MACROD2: variants seen among roughly 807,000 people sequenced by gnomAD.
MACROD2 encodes ADP-ribose glycohydrolase MACROD2.
A neutral mutation model predicts 70.4 loss-of-function variants in MACROD2; 36 were observed. The ratio of observed to expected loss-of-function variants is 0.51; its 90% CI spans 0.39 to 0.68. The LOEUF (loss-of-function observed/expected upper bound fraction) is 0.68, where lower values mean the gene tolerates loss of function less well. MACROD2 is among the 30% of genes least tolerant of loss of function. MACROD2 has a pLI of 0.00. For missense variants in MACROD2, 496 were observed against 538.4 expected, an observed-to-expected ratio of 0.92 and a Z score of 0.78; for synonymous variants, 172 against 178.8, an observed-to-expected ratio of 0.96 and a Z score of 0.30.
intron 3 of MACROD2, among the ~76,000 whole-genome samples, chr20:14,118,185 T>G (rs1410890547): frequency 6.6e-6 from 1 of 152,214 alleles, no homozygotes; most frequent in African/African-American, 2.4e-5. Flanking sequence ...ATATATTTTT[T>G]AGTTTATCTT....
intron 5 of MACROD2, among the ~76,000 whole-genome samples, chr20:15,136,596 A>T (rs1444012008): frequency 6.6e-6 from 1 of 152,124 alleles, no homozygotes; most frequent in Admixed American, 6.6e-5. Context: ...TTAGACCTAA[A>T]ACCATAAAAA....
intron 5 of MACROD2, among the ~76,000 whole-genome samples, chr20:14,781,403 C>T (rs545485001): frequency 6.6e-6 from 1 of 150,782 alleles, no homozygotes; most frequent in East Asian, 1.9e-4. Context: ...TTTCATTTGT[C>T]TTGAGCTCTG....
At chr20:15,483,023 C>G (rs1239640952) in intron 7 of MACROD2, among the ~76,000 whole-genome samples, 3 of 151,924 alleles carry the variant, frequency 2.0e-5, no homozygotes, top group Non-Finnish European at 4.4e-5. Flanking sequence ...GGCTTGCCTT[C>G]TCATTCTATT....
intron 5 of MACROD2, among the ~76,000 whole-genome samples, chr20:14,880,460 G>A (rs539241022): frequency 6.6e-6 from 1 of 152,262 alleles, no homozygotes; most frequent in Admixed American, 6.5e-5. Flanking sequence ...CCATTTGAAA[G>A]GGAAACCTTC....
At chr20:15,882,919 G>C (rs1015657897) in intron 9 of MACROD2, among the ~76,000 whole-genome samples, 6 of 151,898 alleles carry the variant, frequency 4.0e-5, no homozygotes, top group African/African-American at 1.4e-4. Flanking sequence ...AGACTTCCAA[G>C]TAGCTTAACT....
At chr20:14,802,650 G>T (rs2072591226) in intron 5 of MACROD2, among the ~76,000 whole-genome samples, 1 of 151,758 alleles carries the variant, frequency 6.6e-6, no homozygotes, top group Non-Finnish European at 1.5e-5. Flanking sequence ...ATAATGATGA[G>T]GCAAAATAAT....
At chr20:15,798,151 G>T (rs2063691874) in intron 8 of MACROD2, among the ~76,000 whole-genome samples, 2 of 152,226 alleles carry the variant, frequency 1.3e-5, no homozygotes, top group Non-Finnish European at 2.9e-5. Context: ...TTCAGTTATT[G>T]TGGTAGTATA....
At chr20:14,660,840 T>G (rs1236144495) in intron 4 of MACROD2, among the ~76,000 whole-genome samples, 1 of 152,148 alleles carries the variant, frequency 6.6e-6, no homozygotes, top group African/African-American at 2.4e-5. Flanking sequence ...CGTAGTGTAA[T>G]GGCCTCCAGT....
chr20:14,285,295 AT>A (rs1407199671), intron 3 of MACROD2, among the ~76,000 whole-genome samples: 1 of 152,204 alleles, frequency 6.6e-6, no homozygotes, highest in Non-Finnish European at 1.5e-5. Context: ...CTTGAAGGTA[AT>A]TTTATACAAT....
chr20:14,619,649 C>G (rs570784856), intron 4 of MACROD2, among the ~76,000 whole-genome samples: 3 of 151,946 alleles, frequency 2.0e-5, no homozygotes, highest in Non-Finnish European at 2.9e-5. Flanking sequence ...CATTTGTATT[C>G]CCTATTTTTC....
intron 4 of MACROD2, among the ~76,000 whole-genome samples, chr20:14,593,226 C>A (rs1461364685): frequency 6.6e-6 from 1 of 151,972 alleles, no homozygotes; most frequent in East Asian, 1.9e-4. Flanking sequence ...TTTTCTTATT[C>A]GATTAGAGGA....
chr20:15,340,343 G>A (rs2146206042), intron 6 of MACROD2, among the ~76,000 whole-genome samples: 1 of 151,454 alleles, frequency 6.6e-6, no homozygotes, highest in Non-Finnish European at 1.5e-5. Context: ...TCACCATCTT[G>A]GCCAGGCTGG....
At chr20:14,727,385 A>C (rs551393699) in intron 5 of MACROD2, among the ~76,000 whole-genome samples, 4 of 152,010 alleles carry the variant, frequency 2.6e-5, no homozygotes, top group South Asian at 4.2e-4. Context: ...TAATTTAAAA[A>C]TTAGCCTGGC....
intron 8 of MACROD2, among the ~76,000 whole-genome samples, chr20:15,672,761 G>A (rs1202921538): frequency 6.6e-6 from 1 of 152,114 alleles, no homozygotes; most frequent in Non-Finnish European, 1.5e-5. Flanking sequence ...AGAAAGCCCT[G>A]GAGATCTTGG....
chr20:14,963,212 C>T (rs1448927301), intron 5 of MACROD2, among the ~76,000 whole-genome samples: 2 of 152,072 alleles, frequency 1.3e-5, no homozygotes, highest in African/African-American at 4.8e-5. Flanking sequence ...AGTACAGCAG[C>T]ATCCAAGTTT....
At chr20:14,993,953 A>G (rs2074927820) in intron 5 of MACROD2, among the ~76,000 whole-genome samples, 1 of 152,180 alleles carries the variant, frequency 6.6e-6, no homozygotes, top group South Asian at 2.1e-4. Flanking sequence ...TTTAATTTTC[A>G]AAGTTTAATT....
chr20:14,206,693 T>C (rs1249852720), intron 3 of MACROD2, among the ~76,000 whole-genome samples: 2 of 151,934 alleles, frequency 1.3e-5, no homozygotes, highest in South Asian at 2.1e-4. Context: ...TGCTTGAAGA[T>C]GTAGTCGTCA....
chr20:14,227,684 C>A (rs1476721008), intron 3 of MACROD2, among the ~76,000 whole-genome samples: 1 of 152,246 alleles, frequency 6.6e-6, no homozygotes, highest in Non-Finnish European at 1.5e-5. Flanking sequence ...ACCAAGGACC[C>A]ACCAATTCCG....
chr20:14,613,760 G>T (rs1983309634), intron 4 of MACROD2, among the ~76,000 whole-genome samples: 1 of 151,902 alleles, frequency 6.6e-6, no homozygotes, highest in Non-Finnish European at 1.5e-5. Flanking sequence ...TTTTAAAAAA[G>T]AACAAAGAGC....
Sources: allele counts gnomAD v4.1 joint callset (sites outside exome capture counted in the v4.1 genomes callset), GRCh38; gene constraint gnomAD v4.1.1; transcripts MANE v1.5; gene names NCBI Gene and HGNC (gene_info 2026-07-23, HGNC 2026-07-21).